Variants in CADM1 observed in about 807,000 individuals in gnomAD.
CADM1 encodes the protein cell adhesion molecule 1.
Under a neutral mutation model 53.1 loss-of-function variants are expected in CADM1, and 15 were observed. The ratio of observed to expected loss-of-function variants is 0.28; its 90% CI spans 0.19 to 0.44. The LOEUF (loss-of-function observed/expected upper bound fraction) is 0.44. Ranked by LOEUF, CADM1 falls within the 20% of genes least tolerant of loss-of-function variation. CADM1 has a pLI of 1.00. For synonymous variants in CADM1, 281 were observed against 243.0 expected (o/e 1.16, Z -1.45); for missense variants, 434 against 611.3 (o/e 0.71, Z 3.06).
chr11:115,360,040 A>G (rs1226519434), intron 1 of CADM1, among the ~76,000 whole-genome samples: 1 of 152,230 alleles, frequency 6.6e-6, no homozygotes, highest in Non-Finnish European at 1.5e-5. Flanking sequence ...AGGCCCTGCC[A>G]GCTTAAATTC....
chr11:115,304,110 G>T (rs1944303243), intron 1 of CADM1, among the ~76,000 whole-genome samples: 1 of 152,074 alleles, frequency 6.6e-6, no homozygotes, highest in Non-Finnish European at 1.5e-5. Context: ...AATGCTGCAT[G>T]TGCTTTATAA....
At chr11:115,426,235 C>G (rs889490983) in intron 1 of CADM1, among the ~76,000 whole-genome samples, 1 of 152,192 alleles carries the variant, frequency 6.6e-6, no homozygotes, top group African/African-American at 2.4e-5. Context: ...TATATCGCCT[C>G]TTGCCAGTGG....
intron 1 of CADM1, among the ~76,000 whole-genome samples, chr11:115,244,418 G>A (rs575597282): frequency 2.6e-5 from 4 of 152,188 alleles, no homozygotes; most frequent in Non-Finnish European, 4.4e-5. Flanking sequence ...TATGGCCACC[G>A]TAGGGAGGTG....
chr11:115,302,094 A>T (rs751656396), intron 1 of CADM1, among the ~76,000 whole-genome samples: 1 of 151,918 alleles, frequency 6.6e-6, no homozygotes, highest in Non-Finnish European at 1.5e-5. Flanking sequence ...TAATTTGAAA[A>T]TGTTCATTAC....
At chr11:115,294,948 A>C (rs191877521) in intron 1 of CADM1, among the ~76,000 whole-genome samples, 4 of 152,180 alleles carry the variant, frequency 2.6e-5, no homozygotes, top group Non-Finnish European at 5.9e-5. Context: ...CTGAGGCAGG[A>C]GAATTGCTTG....
chr11:115,255,557 G>T (rs1591646661), intron 1 of CADM1, among the ~76,000 whole-genome samples: 1 of 152,114 alleles, frequency 6.6e-6, no homozygotes, highest in East Asian at 1.9e-4. Context: ...TTATATCACA[G>T]TCATAAACAC....
In CADM1 at chr11:115,178,750, C is replaced by A; in HGVS notation, c.1191G>T (p.Ser397=). ...TCACGGCATGATCCACTGCCCTGAT[C>A]GAGCCTTCTTCACCTGCTCGGGAAT... The part of the protein sequence containing the change: ...LSDSRAGEEG[S]IRAVDHAVIG... Residue 397 remains serine, a synonymous_variant, in exon 11 of 12, where the codon TCG becomes TCT. Transcript: ENST00000331581. The A allele has an allele frequency of 1.9e-6, 3 of 1,614,002 alleles. No individual in the cohort carries two copies. The highest frequency in any genetic ancestry group is 2.2e-5 in the East Asian group (1 of 44,872).
intron 1 of CADM1, among the ~76,000 whole-genome samples, chr11:115,245,293 T>C (rs1242827300): frequency 6.6e-6 from 1 of 152,048 alleles, no homozygotes; most frequent in East Asian, 1.9e-4. Flanking sequence ...CCAAAACTAT[T>C]GATTGTTAAA....
At chr11:115,502,888 C>A (rs973509490) in intron 1 of CADM1, among the ~76,000 whole-genome samples, 48 of 152,212 alleles carry the variant, frequency 3.2e-4, no homozygotes, top group Non-Finnish European at 4.3e-4. Context: ...GCACCGTGGC[C>A]CCAACGCTGT....
intron 1 of CADM1, among the ~76,000 whole-genome samples, chr11:115,379,457 CAA>C (rs1025264274): frequency 2.0e-4 from 31 of 152,080 alleles, no homozygotes; most frequent in African/African-American, 7.2e-4. Context: ...TTTAGAAGAC[CAA>C]ATGTAGTCTG....
intron 1 of CADM1, among the ~76,000 whole-genome samples, chr11:115,266,124 T>C (rs1943127339): frequency 6.6e-6 from 1 of 152,184 alleles, no homozygotes; most frequent in African/African-American, 2.4e-5. Context: ...AAGGCAGCCT[T>C]ACCCGCCAGC....
intron 1 of CADM1, among the ~76,000 whole-genome samples, chr11:115,348,321 G>A (rs1565379510): frequency 1.3e-5 from 2 of 152,156 alleles, no homozygotes; most frequent in Admixed American, 1.3e-4. Flanking sequence ...TCTGTCATTT[G>A]TTAATCAAAT....
chr11:115,240,695 T>C, intron 1 of CADM1: 1 of 454,988 alleles, frequency 2.2e-6, no homozygotes, highest in Non-Finnish European at 4.0e-6. Flanking sequence ...AGTTGAGTAG[T>C]ATATTGAGGA....
At chr11:115,196,471 A>G (rs967739256) in intron 9 of CADM1, among the ~76,000 whole-genome samples, 6 of 152,070 alleles carry the variant, frequency 3.9e-5, no homozygotes, top group African/African-American at 1.2e-4. Context: ...ATCTCACAGA[A>G]TTTAGGAATT....
intron 1 of CADM1, among the ~76,000 whole-genome samples, chr11:115,336,277 A>C (rs1171396536): frequency 6.6e-6 from 1 of 152,108 alleles, no homozygotes; most frequent in Non-Finnish European, 1.5e-5. Flanking sequence ...CATCAGAGCA[A>C]ATGTCAACAC....
chr11:115,306,942 C>A (rs1438235308), intron 1 of CADM1, among the ~76,000 whole-genome samples: 1 of 151,962 alleles, frequency 6.6e-6, no homozygotes, highest in East Asian at 1.9e-4. Context: ...ACCCATGCTT[C>A]ACTTTCAAAT....
chr11:115,441,641 G>A (rs951792962), intron 1 of CADM1, among the ~76,000 whole-genome samples: 2 of 152,094 alleles, frequency 1.3e-5, no homozygotes, highest in African/African-American at 2.4e-5. Context: ...ACTTACTCAC[G>A]CCAATCACTT....
At chr11:115,266,666 C>A (rs943351664) in intron 1 of CADM1, among the ~76,000 whole-genome samples, 17 of 152,306 alleles carry the variant, frequency 1.1e-4, no homozygotes, top group African/African-American at 4.1e-4. Flanking sequence ...TCATTCATAA[C>A]TTTGTTCTGT....
intron 6 of CADM1, among the ~76,000 whole-genome samples, chr11:115,217,609 T>G (rs752329014): frequency 6.6e-6 from 1 of 152,202 alleles, no homozygotes; most frequent in Non-Finnish European, 1.5e-5. Context: ...GATTATTTTT[T>G]TGTGTGTGAG....
Sources: allele counts gnomAD v4.1 joint callset (sites outside exome capture counted in the v4.1 genomes callset), GRCh38; gene constraint gnomAD v4.1.1; transcripts MANE v1.5; gene names NCBI Gene and HGNC (gene_info 2026-07-23, HGNC 2026-07-21).